The following RBMS3 variants were observed in gnomAD, a reference collection of about 807,000 sequenced individuals.
RBMS3 encodes the protein RNA binding motif single stranded interacting protein 3, also known as RNA-binding motif, single-stranded-interacting protein 3.
Under a neutral mutation model 66.8 loss-of-function variants are expected in RBMS3, and 27 were observed. The observed-to-expected ratio is 0.40, with a 90% confidence interval of 0.30 to 0.56. The LOEUF is 0.56. RBMS3 is among the 20% of genes least tolerant of loss of function. The pLI, the probability that RBMS3 is intolerant of heterozygous loss-of-function variation, is 0.40. For missense variants in RBMS3, 513 were observed against 549.5 expected, an observed-to-expected ratio of 0.93 and a Z score of 0.66; for synonymous variants, 188 against 183.0, an observed-to-expected ratio of 1.03 and a Z score of -0.22.
chr3:29,518,407 A>G (rs2044724899), intron 3 of RBMS3, among the ~76,000 whole-genome samples: 1 of 152,252 alleles, frequency 6.6e-6, no homozygotes, highest in African/African-American at 2.4e-5. Flanking sequence ...TAAAGTAGCC[A>G]GCGCCATGTG....
chr3:29,885,348 TTTAC>T (rs1192577113), intron 8 of RBMS3, among the ~76,000 whole-genome samples: 2 of 151,878 alleles, frequency 1.3e-5, no homozygotes, highest in African/African-American at 4.8e-5. Context: ...CCAATAGGCA[TTTAC>T]TTATTTCCAA....
chr3:29,725,168 G>A (rs574420554), intron 4 of RBMS3, among the ~76,000 whole-genome samples: 23 of 152,220 alleles, frequency 1.5e-4, no homozygotes, highest in African/African-American at 5.5e-4. Flanking sequence ...GACTCCTGTA[G>A]GGAGAAAACA....
chr3:29,685,288 C>T (rs1001221125), intron 4 of RBMS3, among the ~76,000 whole-genome samples: 2 of 152,268 alleles, frequency 1.3e-5, no homozygotes, highest in African/African-American at 2.4e-5. Context: ...GTCTCCATCT[C>T]CTGACCTCGT....
intron 6 of RBMS3, among the ~76,000 whole-genome samples, chr3:29,847,562 C>T (rs2058812699): frequency 6.6e-6 from 1 of 152,214 alleles, no homozygotes; most frequent in South Asian, 2.1e-4. Context: ...TTATTTTTCT[C>T]ATGAAGCAGG....
At chr3:29,455,419 T>G (rs1209036185) in intron 2 of RBMS3, among the ~76,000 whole-genome samples, 1 of 152,182 alleles carries the variant, frequency 6.6e-6, no homozygotes, top group Non-Finnish European at 1.5e-5. Flanking sequence ...AGAATGTTTT[T>G]CTATGAAGTC....
At chr3:29,456,926 G>A (rs2042211385) in intron 2 of RBMS3, among the ~76,000 whole-genome samples, 1 of 152,160 alleles carries the variant, frequency 6.6e-6, no homozygotes, top group Non-Finnish European at 1.5e-5. Context: ...GATAAAGATT[G>A]AATCAGAATG....
chr3:29,359,678 G>T (rs1177398336), intron 1 of RBMS3, among the ~76,000 whole-genome samples: 1 of 152,106 alleles, frequency 6.6e-6, no homozygotes, highest in African/African-American at 2.4e-5. Flanking sequence ...TCTGGTCCTG[G>T]ACTTTTTTTG....
At chr3:29,884,471 C>CTCCCTCTCTCT (rs1553692504) in intron 8 of RBMS3, among the ~76,000 whole-genome samples, 1 of 38,932 alleles carries the variant, frequency 2.6e-5, no homozygotes, top group African/African-American at 7.2e-5. Flanking sequence ...TCTCTCTCTC[C>CTCCCTCTCTCT]CCCCCCGCTC....
chr3:29,291,060 A>G (rs1342389191), intron 1 of RBMS3, among the ~76,000 whole-genome samples: 1 of 151,986 alleles, frequency 6.6e-6, no homozygotes, highest in Non-Finnish European at 1.5e-5. Flanking sequence ...AACCTAATCT[A>G]CAAATCTTTT....
chr3:29,897,563 G>GA (rs1014627721), intron 9 of RBMS3, 88 bp downstream of exon 9: 31 of 1,237,278 alleles, frequency 2.5e-5, no homozygotes, highest in Non-Finnish European at 3.6e-5. Flanking sequence ...AGAATGAAAA[G>GA]AAAAAAATTC....
At chr3:29,412,457 A>C (rs1359259776) in intron 1 of RBMS3, among the ~76,000 whole-genome samples, 1 of 152,174 alleles carries the variant, frequency 6.6e-6, no homozygotes, top group Non-Finnish European at 1.5e-5. Context: ...ACCACTCCTC[A>C]AGTTGCCATG....
At chr3:29,716,677 A>C (rs73829321) in intron 4 of RBMS3, among the ~76,000 whole-genome samples, 21 of 152,084 alleles carry the variant, frequency 1.4e-4, no homozygotes, top group Non-Finnish European at 2.6e-4. Flanking sequence ...CCCCTTGTGT[A>C]GGATACTTAG....
At chr3:29,600,849 A>G (rs971949844) in intron 4 of RBMS3, among the ~76,000 whole-genome samples, 1 of 152,070 alleles carries the variant, frequency 6.6e-6, no homozygotes, top group Non-Finnish European at 1.5e-5. Context: ...TTTTTCTTCA[A>G]TAATCATATC....
At chr3:29,517,271 A>ATATGTG (rs2044664610) in intron 3 of RBMS3, among the ~76,000 whole-genome samples, 1 of 129,604 alleles carries the variant, frequency 7.7e-6, no homozygotes, top group African/African-American at 2.9e-5. Flanking sequence ...GATTTCATAT[A>ATATGTG]TGTGTGTGTG....
intron 6 of RBMS3, among the ~76,000 whole-genome samples, chr3:29,765,126 G>T (rs1359454078): frequency 2.0e-5 from 3 of 151,960 alleles, no homozygotes; most frequent in Non-Finnish European, 4.4e-5. Context: ...CTTAAATTAG[G>T]TGTGGAAGAA....
chr3:29,621,400 C>T lies in RBMS3; in HGVS notation c.399+34195C>T, dbSNP rs549056995. On this transcript the variant is annotated intron_variant, in intron 4 of 14. Transcript: ENST00000383767. ...AAACAGTCTTCTCTTCAGAAAGATG[C>T]TCAGTGATTTGTGTGCAAGATAGGG... Among the ~76,000 whole-genome samples, 41 of 152,198 alleles carry T rather than the reference C, an allele frequency of 2.7e-4. No individual in the cohort carries two copies. The South Asian group carries it at 7.9e-3, about 29-fold the overall frequency.
intron 1 of RBMS3, among the ~76,000 whole-genome samples, chr3:29,383,360 T>G (rs72852317): frequency 6.6e-6 from 1 of 152,196 alleles, no homozygotes; most frequent in Non-Finnish European, 1.5e-5. Flanking sequence ...TGATTTTGCC[T>G]CTGATATTGA....
At chr3:29,385,077 A>G (rs1285518897) in intron 1 of RBMS3, among the ~76,000 whole-genome samples, 1 of 152,118 alleles carries the variant, frequency 6.6e-6, no homozygotes, top group Admixed American at 6.5e-5. Context: ...TAAAGACTAA[A>G]CAGTAGATAC....
chr3:29,612,214 T>C (rs1289225020), intron 4 of RBMS3, among the ~76,000 whole-genome samples: 1 of 152,102 alleles, frequency 6.6e-6, no homozygotes, highest in African/African-American at 2.4e-5. Context: ...TAAGCATATA[T>C]ATGTAAATAG....
Sources: allele counts gnomAD v4.1 joint callset (sites outside exome capture counted in the v4.1 genomes callset), GRCh38; gene constraint gnomAD v4.1.1; transcripts MANE v1.5; gene names NCBI Gene and HGNC (gene_info 2026-07-23, HGNC 2026-07-21).